CTNNA3: variants seen among roughly 807,000 people sequenced by gnomAD.
CTNNA3 encodes catenin alpha-3.
A neutral mutation model predicts 95.7 loss-of-function variants in CTNNA3; 76 were observed. The ratio of observed to expected loss-of-function variants is 0.79; its 90% CI spans 0.66 to 0.96. The LOEUF (loss-of-function observed/expected upper bound fraction) is 0.96, where lower values mean the gene tolerates loss of function less well. Ranked by LOEUF, CTNNA3 falls within the 40% of genes least tolerant of loss-of-function variation. The pLI, the probability that CTNNA3 is intolerant of heterozygous loss-of-function variation, is 0.00. For synonymous variants in CTNNA3, 431 were observed against 374.4 expected (o/e 1.15, Z -1.74); for missense variants, 1,191 against 1,089.8 (o/e 1.09, Z -1.31).
At chr10:66,356,586 T>C (rs999984026) in intron 12 of CTNNA3, among the ~76,000 whole-genome samples, 3 of 152,008 alleles carry the variant, frequency 2.0e-5, no homozygotes, top group African/African-American at 7.2e-5. Flanking sequence ...TCTTTGCCAA[T>C]ATATATGCCT....
chr10:66,660,439 G>A (rs929174874), intron 9 of CTNNA3, among the ~76,000 whole-genome samples: 2 of 152,218 alleles, frequency 1.3e-5, no homozygotes, highest in African/African-American at 2.4e-5. Context: ...TATTTCTTTA[G>A]GGACAACCTT....
At chr10:66,543,758 T>C (rs946978609) in intron 10 of CTNNA3, among the ~76,000 whole-genome samples, 10 of 151,564 alleles carry the variant, frequency 6.6e-5, no homozygotes, top group Admixed American at 2.0e-4. Flanking sequence ...AGGAAAGCTG[T>C]GAATAGCTTG....
intron 13 of CTNNA3, among the ~76,000 whole-genome samples, chr10:66,171,279 A>C (rs1034567322): frequency 6.6e-6 from 1 of 151,614 alleles, no homozygotes; most frequent in African/African-American, 2.4e-5. Context: ...TTAAAAAAAA[A>C]AATCCTAACT....
intron 9 of CTNNA3, among the ~76,000 whole-genome samples, chr10:66,749,579 G>T: frequency 6.6e-6 from 1 of 151,980 alleles, no homozygotes; most frequent in East Asian, 1.9e-4. Context: ...CCCATTGTCT[G>T]GATATACCCC....
At chr10:67,369,193 G>A (rs1023836669) in intron 5 of CTNNA3, among the ~76,000 whole-genome samples, 1 of 152,086 alleles carries the variant, frequency 6.6e-6, no homozygotes, top group African/African-American at 2.4e-5. Context: ...AGATGAATAG[G>A]AAGAATTAAA....
chr10:67,171,026 T>G (rs1397658045), intron 7 of CTNNA3, among the ~76,000 whole-genome samples: 1 of 152,218 alleles, frequency 6.6e-6, no homozygotes, highest in Non-Finnish European at 1.5e-5. Context: ...TTAACTAAAA[T>G]TAATTTCACC....
intron 5 of CTNNA3, among the ~76,000 whole-genome samples, chr10:67,289,137 T>C (rs1470958002): frequency 6.6e-6 from 1 of 152,192 alleles, no homozygotes; most frequent in East Asian, 1.9e-4. Flanking sequence ...AAAGTAATTA[T>C]CCGTAGAATT....
At chr10:66,103,594 A>C (rs1379084806) in intron 13 of CTNNA3, among the ~76,000 whole-genome samples, 2 of 152,172 alleles carry the variant, frequency 1.3e-5, no homozygotes, top group Admixed American at 1.3e-4. Context: ...AACCTTGAAA[A>C]CATCATCCTA....
chr10:67,591,543 A>G (rs1282930392), intron 3 of CTNNA3, among the ~76,000 whole-genome samples: 1 of 152,154 alleles, frequency 6.6e-6, no homozygotes, highest in Non-Finnish European at 1.5e-5. Flanking sequence ...GTAATATAAT[A>G]AAGATTGAAA....
At chr10:66,923,296 T>G (rs1000973367) in intron 7 of CTNNA3, among the ~76,000 whole-genome samples, 13 of 152,186 alleles carry the variant, frequency 8.5e-5, no homozygotes, top group African/African-American at 3.1e-4. Context: ...ACATTCTCAG[T>G]GGGTTCCTCT....
chr10:66,074,920 A>G (rs1355025812), intron 14 of CTNNA3, among the ~76,000 whole-genome samples: 1 of 151,898 alleles, frequency 6.6e-6, no homozygotes, highest in Non-Finnish European at 1.5e-5. Context: ...GATTGTTAAC[A>G]GAAATACTCA....
At chr10:67,026,538 A>G (rs1853399860) in intron 7 of CTNNA3, among the ~76,000 whole-genome samples, 2 of 152,182 alleles carry the variant, frequency 1.3e-5, no homozygotes, top group African/African-American at 2.4e-5. Flanking sequence ...AAGAGGGAAG[A>G]CATTCAAGAG....
At chr10:66,965,325 A>C (rs1849341188) in intron 7 of CTNNA3, among the ~76,000 whole-genome samples, 1 of 152,046 alleles carries the variant, frequency 6.6e-6, no homozygotes, top group South Asian at 2.1e-4. Context: ...TCATGAGGTC[A>C]AGAGATCCAG....
At chr10:67,354,067 G>A (rs750759084) in intron 5 of CTNNA3, among the ~76,000 whole-genome samples, 1 of 152,002 alleles carries the variant, frequency 6.6e-6, no homozygotes, top group African/African-American at 2.4e-5. Flanking sequence ...ATTGGCACAA[G>A]GCTAGCTTTC....
chr10:66,738,409 T>C (rs919795106), intron 9 of CTNNA3, among the ~76,000 whole-genome samples: 2 of 152,216 alleles, frequency 1.3e-5, no homozygotes, highest in African/African-American at 2.4e-5. Flanking sequence ...CCCATATTTT[T>C]TATGCTCACA....
chr10:66,381,248 C>G (rs918072452), intron 11 of CTNNA3, among the ~76,000 whole-genome samples: 8 of 152,042 alleles, frequency 5.3e-5, no homozygotes. Flanking sequence ...CCCCTTTGAC[C>G]TGCTTGCTCA....
chr10:66,603,420 T>C (rs1844004116), intron 10 of CTNNA3, among the ~76,000 whole-genome samples: 1 of 152,128 alleles, frequency 6.6e-6, no homozygotes, highest in Admixed American at 6.5e-5. Context: ...TGTAAAACAC[T>C]GATGAAATAA....
At chr10:66,545,347 T>G (rs1294214517) in intron 10 of CTNNA3, among the ~76,000 whole-genome samples, 1 of 152,066 alleles carries the variant, frequency 6.6e-6, no homozygotes, top group African/African-American at 2.4e-5. Context: ...CTTATTTTAG[T>G]CAATACTACA....
In CTNNA3 at chr10:67,140,346, A is replaced by C. The variant is rs550691042; in HGVS notation, c.1047+39971T>G. Among the ~76,000 whole-genome samples the C allele has an allele frequency of 3.3e-5, 5 of 152,244 alleles. No individual in the cohort carries two copies. The South Asian group carries it at 1.0e-3, about 32-fold the overall frequency. The stretch of plus-strand genomic sequence containing the variant: ...CTGAGAGTTTAAACAAATTGCCACT[A>C]TTTATGATTATTTTGTATTAGAATA... On this transcript the variant is annotated intron_variant, in intron 7 of 17. Transcript: ENST00000433211.
Sources: allele counts gnomAD v4.1 joint callset (sites outside exome capture counted in the v4.1 genomes callset), GRCh38; gene constraint gnomAD v4.1.1; transcripts MANE v1.5; gene names NCBI Gene and HGNC (gene_info 2026-07-23, HGNC 2026-07-21).